KIAA1671: variants seen among roughly 807,000 people sequenced by gnomAD.
KIAA1671 encodes KIAA1671.
KIAA1671 carries 52 observed loss-of-function variants against 131.2 expected under a neutral mutation model. That is an observed-to-expected ratio of 0.40 (90% CI 0.32 to 0.50). KIAA1671 has a LOEUF of 0.50. KIAA1671 is among the 20% of genes least tolerant of loss of function. The pLI, the probability that KIAA1671 is intolerant of heterozygous loss-of-function variation, is 0.73. For synonymous variants in KIAA1671, 1,003 were observed against 961.6 expected, an observed-to-expected ratio of 1.04 and a Z score of -0.80; for missense variants, 2,360 against 2,364.2, an observed-to-expected ratio of 1.00 and a Z score of 0.04.
chr22:25,111,022 A>G (rs1931310179), intron 6 of KIAA1671: 1 of 152,576 alleles, frequency 6.6e-6, no homozygotes, highest in Admixed American at 6.5e-5. Flanking sequence ...GAGAGGAGAG[A>G]CGCTTAGAGA....
chr22:24,980,250 C>A (rs1338031155), intron 1 of KIAA1671, among the ~76,000 whole-genome samples: 1 of 151,292 alleles, frequency 6.6e-6, no homozygotes, highest in Non-Finnish European at 1.5e-5. Context: ...CAGTTCAAGT[C>A]CCTACGTTCA....
chr22:25,165,777 C>A (rs1023046145), intron 6 of KIAA1671, among the ~76,000 whole-genome samples: 18 of 151,958 alleles, frequency 1.2e-4, no homozygotes, highest in Admixed American at 1.1e-3. Context: ...AAGTTGAAAT[C>A]TGAATGGTAA....
intron 6 of KIAA1671, among the ~76,000 whole-genome samples, chr22:25,075,774 G>C (rs1014519813): frequency 3.2e-5 from 4 of 126,396 alleles, no homozygotes; most frequent in African/African-American, 1.3e-4. Context: ...TCATCAGTGC[G>C]CATCTTTTTT....
intron 4 of KIAA1671, among the ~76,000 whole-genome samples, chr22:25,038,493 T>A (rs2145803488): frequency 6.6e-6 from 1 of 152,328 alleles, no homozygotes; most frequent in Middle Eastern, 3.4e-3. Context: ...GGGAGGAACT[T>A]GGCCGGATAA....
chr22:25,108,019 A>G (rs1931117963), intron 6 of KIAA1671, among the ~76,000 whole-genome samples: 1 of 152,132 alleles, frequency 6.6e-6, no homozygotes, highest in African/African-American at 2.4e-5. Context: ...AAAAAAAATT[A>G]TAGATATCAG....
chr22:25,095,765 A>C (rs569145179), intron 6 of KIAA1671, among the ~76,000 whole-genome samples: 1 of 152,338 alleles, frequency 6.6e-6, no homozygotes, highest in Non-Finnish European at 1.5e-5. Context: ...AATCTCGCAC[A>C]ACCTCATCTT....
chr22:25,140,224 C>T (rs1486131761), intron 6 of KIAA1671, among the ~76,000 whole-genome samples: 1 of 152,196 alleles, frequency 6.6e-6, no homozygotes, highest in African/African-American at 2.4e-5. Context: ...GACTGACGGC[C>T]CTGGCCACTT....
intron 1 of KIAA1671, among the ~76,000 whole-genome samples, chr22:24,984,637 C>T (rs1387210888): frequency 6.6e-6 from 1 of 152,034 alleles, no homozygotes; most frequent in Non-Finnish European, 1.5e-5. Context: ...CAGGACAAAG[C>T]TCAGGAGCAG....
rs148592804 is a variant in KIAA1671, at chr22:24,991,287, T to A, written c.-207-34346T>A. On this transcript the variant is annotated intron_variant, in intron 1 of 12. Coordinates refer to ENST00000358431, the MANE Select transcript of KIAA1671 (RefSeq NM_001145206.2). ...ATCCACCCACTTCGGCCTCCCAAAG[T>A]GCTGGGATTACAGGCATGAGCCACC... Among the ~76,000 whole-genome samples the A allele has an allele frequency of 1.8e-3, 280 of 152,052 alleles. 3 individuals carry two copies. In the East Asian group the frequency reaches 0.039, roughly 21 times the overall value.
chr22:25,169,456 A>G (rs1933766854), intron 6 of KIAA1671, among the ~76,000 whole-genome samples: 1 of 149,724 alleles, frequency 6.7e-6, no homozygotes, highest in Non-Finnish European at 1.5e-5. Context: ...TGAGAGCGTC[A>G]TTCAAAGCTT....
At position 25,041,392 on chromosome 22, in the gene KIAA1671, G is replaced by A; in HGVS notation, c.4262G>A (p.Gly1421Asp). 7.1e-6 allele frequency: 11 copies of A among 1,551,800 alleles called. No homozygotes were observed. The highest frequency in any genetic ancestry group is 8.7e-6 in the Non-Finnish European group (10 of 1,147,010). ...EKGPPANIRE[G>D]LSIMHEARER... ...GGGCCCCCTGCCAACATCCGAGAGG[G>A]CCTGTCCATCATGCATGAAGCCAGA... Residue 1421 changes from glycine (G) to aspartate (D), a missense_variant, in exon 5 of 13, where the codon GGC (glycine) becomes GAC (aspartate). By Grantham distance (94) the Gly-to-Asp change is moderately conservative. Transcript: ENST00000358431.
At chr22:24,957,259 G>A (rs1394164953) in intron 1 of KIAA1671, among the ~76,000 whole-genome samples, 2 of 152,154 alleles carry the variant, frequency 1.3e-5, no homozygotes, top group Non-Finnish European at 2.9e-5. Flanking sequence ...GTAGGAGGGA[G>A]GGCTGGGACA....
In KIAA1671 at chr22:25,194,047, A is replaced by G. The variant is rs1399451457; in HGVS notation, c.*1646A>G. ...TTTGATCTTATGGCTTTCAACGTCAATAGGATCCCCTTTAAAAATACCCTG... is the reference window on the plus strand; with the variant it reads ...TTTGATCTTATGGCTTTCAACGTCAGTAGGATCCCCTTTAAAAATACCCTG... On this transcript the variant is annotated 3_prime_UTR_variant, in exon 13 of 13. Coordinates refer to ENST00000358431, the MANE Select transcript of KIAA1671 (RefSeq NM_001145206.2). The G allele has an allele frequency of 6.6e-6, 1 of 152,148 alleles. No individual in the cohort carries two copies. 9.4% of individuals were successfully genotyped at this position (152,148 alleles called of 1,614,324 possible). A position where few individuals can be genotyped will look rare whatever the true frequency, so the allele number is the denominator to read the frequency against.
At chr22:25,147,519 C>T (rs1035616125) in intron 6 of KIAA1671, among the ~76,000 whole-genome samples, 1 of 152,162 alleles carries the variant, frequency 6.6e-6, no homozygotes, top group South Asian at 2.1e-4. Flanking sequence ...AACAATACCC[C>T]CACCTCCAGT....
chr22:25,051,795 T>C (rs965162339), intron 6 of KIAA1671: 1 of 152,228 alleles, frequency 6.6e-6, no homozygotes, highest in African/African-American at 2.4e-5. Context: ...TCTCATGAGG[T>C]GTTTGAAGGG....
chr22:25,170,689 AC>A, intron 6 of KIAA1671, 130 bp from the exon 7 acceptor site: 1 of 819,284 alleles, frequency 1.2e-6, no homozygotes, highest in South Asian at 1.6e-5. Flanking sequence ...GTCTGGCCCC[AC>A]TTAGGAAGGC....
At chr22:25,170,273 C>G (rs1418325957) in intron 6 of KIAA1671, among the ~76,000 whole-genome samples, 4 of 152,146 alleles carry the variant, frequency 2.6e-5, no homozygotes, top group African/African-American at 9.7e-5. Context: ...GTAATAAGAT[C>G]CACCCCATGG....
intron 6 of KIAA1671, among the ~76,000 whole-genome samples, chr22:25,072,419 G>A (rs931062121): frequency 2.0e-5 from 3 of 152,122 alleles, no homozygotes; most frequent in East Asian, 1.9e-4. Flanking sequence ...TCATTTGTCC[G>A]CTGCTTTCTG....
intron 6 of KIAA1671, among the ~76,000 whole-genome samples, chr22:25,169,975 G>A (rs1398683207): frequency 2.0e-5 from 3 of 152,238 alleles, no homozygotes; most frequent in African/African-American, 7.2e-5. Context: ...CTGGAGTGGT[G>A]CAATCTTGGC....
Sources: allele counts gnomAD v4.1 joint callset (sites outside exome capture counted in the v4.1 genomes callset), GRCh38; gene constraint gnomAD v4.1.1; transcripts MANE v1.5; gene names NCBI Gene and HGNC (gene_info 2026-07-23, HGNC 2026-07-21).